COL4A6: variants seen among roughly 807,000 people sequenced by gnomAD.
COL4A6 encodes collagen type IV alpha 6 chain.
Under a neutral mutation model 126.7 loss-of-function variants are expected in COL4A6, and 59 were observed. The ratio of observed to expected loss-of-function variants is 0.47; its 90% CI spans 0.38 to 0.58. COL4A6 has a LOEUF of 0.58. Ranked by LOEUF, COL4A6 falls within the 20% of genes least tolerant of loss-of-function variation. The pLI is 0.00. For synonymous variants in COL4A6, 547 were observed against 496.6 expected (o/e 1.10, Z -1.35); for missense variants, 1,285 against 1,337.3 (o/e 0.96, Z 0.61).
At chrX:108,366,530 C>G (rs899570303) in intron 2 of COL4A6, among the ~76,000 whole-genome samples, 1 of 112,146 alleles carries the variant, frequency 8.9e-6, no homozygotes, top group Non-Finnish European at 1.9e-5. Flanking sequence ...TAATTTCTTT[C>G]TATTTAGTCA....
At position 108,180,607 on chromosome X, in the gene COL4A6, C is replaced by T. The variant is rs146510405; in HGVS notation, c.2039G>A (p.Arg680Gln). 2.0e-4 allele frequency: 235 copies of T among 1,193,012 alleles called. No individual in the cohort carries two copies. The African/African-American group carries it at 2.6e-3, about 13-fold the overall frequency. ...CTGGCCTGGGGTCCCAGGGAGGCCT[C>T]GAGACCCTTTAGGGCCTGAAAACCC... ...TPGFPGPKGS[R>Q]GLPGTPGQPG... is the part of the protein sequence containing the mutation. The change falls in exon 25 of 45, where the codon CGA becomes CAA. Residue 680 changes from arginine (R) to glutamine (Q), a missense_variant. Transcript: ENST00000334504.
At chrX:108,206,883 C>A in intron 8 of COL4A6, 1 of 342,907 alleles carries the variant, frequency 2.9e-6, no homozygotes, top group Non-Finnish European at 5.3e-6. Flanking sequence ...TATATCATTC[C>A]CTTTACATGA....
intron 3 of COL4A6, among the ~76,000 whole-genome samples, chrX:108,264,240 G>A (rs1441435914): frequency 1.8e-5 from 2 of 111,485 alleles, no homozygotes; most frequent in Non-Finnish European, 3.8e-5. Context: ...AAAGTAGAAA[G>A]CTTTATGCAG....
chrX:108,235,788 G>A (rs1779920510), intron 3 of COL4A6, among the ~76,000 whole-genome samples: 1 of 111,471 alleles, frequency 9.0e-6, no homozygotes. Context: ...CTTAGAGAAA[G>A]CAGAGCTAGG....
At chrX:108,187,455 T>C (rs1173468494) in intron 22 of COL4A6, among the ~76,000 whole-genome samples, 176 bp from the exon 23 acceptor site, 2 of 112,007 alleles carry the variant, frequency 1.8e-5, no homozygotes, top group East Asian at 2.8e-4. Flanking sequence ...TGGATATGAA[T>C]CTTGTCTACT....
At chrX:108,274,566 C>T (rs984708190) in intron 3 of COL4A6, among the ~76,000 whole-genome samples, 1 of 111,682 alleles carries the variant, frequency 9.0e-6, no homozygotes, top group African/African-American at 3.3e-5. Context: ...GAATCTCTTC[C>T]CATTCAGTGA....
At chrX:108,281,550 C>T (rs1221450620) in intron 3 of COL4A6, among the ~76,000 whole-genome samples, 1 of 110,882 alleles carries the variant, frequency 9.0e-6, no homozygotes, top group Non-Finnish European at 1.9e-5. Context: ...GAATCAACAT[C>T]GTGAAAATGG....
rs187796586 is a variant in COL4A6, at chrX:108,332,876, T to C, written c.64-22048A>G. On this transcript the variant is annotated intron_variant, in intron 2 of 44. Coordinates refer to ENST00000334504, the MANE Select transcript of COL4A6 (RefSeq NM_033641.4). ...TGTGTCTATTTTTGTTTTTGTTATGTTTGCTTCTGAGGATTAGTAATAAAT... is the reference window on the plus strand; with the variant it reads ...TGTGTCTATTTTTGTTTTTGTTATGCTTGCTTCTGAGGATTAGTAATAAAT... 5.0e-3 allele frequency among the ~76,000 whole-genome samples: 553 copies of C among 111,462 alleles called. 3 individuals carry two copies. The highest frequency in any genetic ancestry group is 0.016 in the African/African-American group (500 of 30,812).
rs138668772 is a variant in COL4A6, at chrX:108,238,406, C to T, written c.145-17032G>A. ...ACAGGCGTGAGTCACCACACCCGGG[C>T]GTGTGTGTGTATTTTAAATTGATAT... On this transcript the variant is annotated intron_variant, in intron 3 of 44. Coordinates refer to ENST00000334504, the MANE Select transcript of COL4A6 (RefSeq NM_033641.4). Among the ~76,000 whole-genome samples, 338 of 108,448 alleles carry T rather than the reference C, an allele frequency of 3.1e-3. 3 individuals are homozygous for T. The highest frequency in any genetic ancestry group is 0.011 in the African/African-American group (318 of 29,730). 94.2% of individuals were successfully genotyped at this position (108,448 alleles called of 115,157 possible). A position where few individuals can be genotyped will look rare whatever the true frequency, so the allele number is the denominator to read the frequency against.
intron 2 of COL4A6, among the ~76,000 whole-genome samples, chrX:108,413,619 C>T (rs750192965): frequency 4.5e-5 from 5 of 111,072 alleles, no homozygotes; most frequent in East Asian, 2.9e-4. Context: ...CCACCACAGC[C>T]GGCTAATTCT....
intron 3 of COL4A6, among the ~76,000 whole-genome samples, chrX:108,287,136 C>T (rs1402542328): frequency 1.8e-5 from 2 of 112,015 alleles, no homozygotes; most frequent in East Asian, 2.8e-4. Context: ...AAGTTCTATT[C>T]GGGTCTTTCA....
chrX:108,263,971 C>T (rs2037233175), intron 3 of COL4A6, among the ~76,000 whole-genome samples: 1 of 111,434 alleles, frequency 9.0e-6, no homozygotes, highest in Non-Finnish European at 1.9e-5. Flanking sequence ...TAGGCAGCCA[C>T]TCCCATGCAT....
chrX:108,249,621 T>A (rs909352775), intron 3 of COL4A6, among the ~76,000 whole-genome samples: 6 of 111,883 alleles, frequency 5.4e-5, no homozygotes, highest in Non-Finnish European at 7.5e-5. Context: ...TCAGATATCT[T>A]CATAGGGGTG....
At chrX:108,379,435 CTTTTTT>C (rs1163909665) in intron 2 of COL4A6, among the ~76,000 whole-genome samples, 2 of 76,959 alleles carry the variant, frequency 2.6e-5, no homozygotes, top group African/African-American at 4.9e-5. Flanking sequence ...AATTAAAAAA[CTTTTTT>C]TTTTTTTTTT....
intron 2 of COL4A6, among the ~76,000 whole-genome samples, chrX:108,408,014 C>T (rs1273970180): frequency 9.0e-6 from 1 of 111,471 alleles, no homozygotes; most frequent in Non-Finnish European, 1.9e-5. Context: ...AACCAAGGCT[C>T]AGAGAAGCTA....
intron 2 of COL4A6, among the ~76,000 whole-genome samples, chrX:108,373,572 CCA>C (rs1452479097): frequency 9.0e-6 from 1 of 111,316 alleles, no homozygotes; most frequent in Non-Finnish European, 1.9e-5. Context: ...TATTTTCCCT[CCA>C]GTCTCCCTGT....
chrX:108,359,273 G>A (rs1330742295), intron 2 of COL4A6, among the ~76,000 whole-genome samples: 1 of 112,240 alleles, frequency 8.9e-6, no homozygotes, highest in Non-Finnish European at 1.9e-5. Flanking sequence ...ACAATTGAGG[G>A]CCAAAGAATA....
intron 2 of COL4A6, among the ~76,000 whole-genome samples, chrX:108,429,448 A>AT (rs981698124): frequency 1.8e-5 from 2 of 112,054 alleles, no homozygotes; most frequent in Non-Finnish European, 3.8e-5. Context: ...GGCAATGGAA[A>AT]TCCCAACCTA....
At chrX:108,194,636 G>C in intron 15 of COL4A6, 49 bp from the exon 16 acceptor site, 1 of 1,136,857 alleles carries the variant, frequency 8.8e-7, no homozygotes, top group Non-Finnish European at 1.2e-6. Context: ...GAGAGCATAA[G>C]AGAGTCTGGT....
Sources: gnomAD v4.1 joint callset for allele counts (sites outside exome capture counted in the v4.1 genomes callset) on GRCh38, gnomAD v4.1.1 for gene constraint, MANE v1.5 for transcripts, NCBI Gene and HGNC (gene_info 2026-07-23, HGNC 2026-07-21) for gene names.